Variants in IST1 observed in about 807,000 individuals in gnomAD.
The protein encoded by IST1 is IST1 homolog.
A neutral mutation model predicts 37.0 loss-of-function variants in IST1; 23 were observed. The observed-to-expected ratio is 0.62, with a 90% CI of 0.45 to 0.88. The LOEUF (loss-of-function observed/expected upper bound fraction) is 0.88, where lower values mean the gene tolerates loss of function less well. Among genes scored for constraint, IST1 ranks in the 40% least tolerant of loss-of-function variants. IST1 has a pLI of 0.00. For missense variants in IST1, 488 were observed against 445.4 expected, an observed-to-expected ratio of 1.10 and a Z score of -0.86; for synonymous variants, 180 against 161.7, an observed-to-expected ratio of 1.11 and a Z score of -0.86.
In IST1 at chr16:71,927,726, A is replaced by C. The variant is rs1241592790; in HGVS notation, c.1014A>C (p.Ala338=). The C allele has an allele frequency of 1.2e-6, 2 of 1,613,264 alleles. No homozygotes were observed. The highest frequency in any genetic ancestry group is 1.7e-5 in the Admixed American group (1 of 60,014). ...LPSVPDTLPT[A]SAGASTSASE... ...CTGTGCCAGACACACTACCAACTGC[A>C]TCTGCTGGTGCCAGCACCTCAGCAT... is the stretch of plus-strand genomic sequence containing the variant. The change falls in exon 10 of 10, where the codon GCA becomes GCC. Residue 338 remains alanine (A), a synonymous_variant. Transcript: ENST00000378799.
rs189815769 is a variant in IST1 at position 71,911,045 on chromosome 16, G to T, written c.-15-4581G>T. On this transcript the variant is annotated intron_variant, in intron 1 of 9. Coordinates refer to ENST00000378799, the MANE Select transcript of IST1 (RefSeq NM_001270975.2). ...ACTTGAGGTCAGGAGTTCAAGACCA[G>T]CGTGTCCAACATGGTGAAACCCCGT... Among the ~76,000 whole-genome samples the T allele has an allele frequency of 2.1e-3, 327 of 152,164 alleles. 1 individual carries two copies. Among genetic ancestry groups the T allele is most frequent in the Admixed American group, 4.3e-3 (66 of 15,296 alleles).
intron 1 of IST1, among the ~76,000 whole-genome samples, chr16:71,907,622 C>T (rs1004121357): frequency 2.0e-5 from 3 of 152,004 alleles, no homozygotes; most frequent in Admixed American, 1.3e-4. Flanking sequence ...ACATTAAGAC[C>T]CCTTGCTGTT....
At chr16:71,908,030 C>T (rs1052722527) in intron 1 of IST1, among the ~76,000 whole-genome samples, 6 of 152,074 alleles carry the variant, frequency 3.9e-5, no homozygotes, top group African/African-American at 1.4e-4. Flanking sequence ...CTTCACCGTC[C>T]GCCTCCCGGG....
Position 71,928,179 on chromosome 16 carries a change from G to T in IST1, c.*366G>T, listed in dbSNP as rs1025964525. The T allele has an allele frequency of 7.2e-6, 2 of 277,198 alleles. No individual in the cohort carries two copies. Among genetic ancestry groups the T allele is most frequent in the Admixed American group, 4.9e-5 (1 of 20,224 alleles). 17.2% of individuals were successfully genotyped at this position (277,198 alleles called of 1,614,324 possible). ...ATGGCTGGACAGTGGGAGAGAGCAC[G>T]TTGTGAAGCATCCCAGCCTCGTGTT... is the stretch of plus-strand genomic sequence containing the variant. On this transcript the variant is annotated 3_prime_UTR_variant, in exon 10 of 10. Coordinates refer to ENST00000378799, the MANE Select transcript of IST1 (RefSeq NM_001270975.2).
At chr16:71,895,662 T>A in intron 1 of IST1, 73 bp downstream of exon 1, 1 of 571,298 alleles carries the variant, frequency 1.8e-6, no homozygotes, top group Non-Finnish European at 2.2e-6. Context: ...TAGCGGTCTC[T>A]AGTTAGCGCT....
chr16:71,903,001 C>A (rs1000214207), intron 1 of IST1, among the ~76,000 whole-genome samples: 2 of 151,824 alleles, frequency 1.3e-5, no homozygotes, highest in Non-Finnish European at 2.9e-5. Context: ...GACCTTTTTT[C>A]TGGAGAGACA....
At chr16:71,905,746 C>T (rs542730631) in intron 1 of IST1, among the ~76,000 whole-genome samples, 1 of 152,310 alleles carries the variant, frequency 6.6e-6, no homozygotes, top group East Asian at 1.9e-4. Context: ...GAAAACCTTA[C>T]TATTCTATAG....
chr16:71,914,979 A>G (rs1025749128), intron 1 of IST1, among the ~76,000 whole-genome samples: 4 of 152,136 alleles, frequency 2.6e-5, no homozygotes, highest in Non-Finnish European at 4.4e-5. Context: ...AATTCCTGGT[A>G]AAGAGCCTTC....
chr16:71,899,422 A>C (rs1446073770), intron 1 of IST1, among the ~76,000 whole-genome samples: 2 of 152,090 alleles, frequency 1.3e-5, no homozygotes, highest in African/African-American at 4.8e-5. Flanking sequence ...CTGCTAATAA[A>C]AATTTTTAAA....
chr16:71,916,917 C>G, intron 3 of IST1, 130 bp from the exon 4 acceptor site: 14 of 640,658 alleles, frequency 2.2e-5, no homozygotes, highest in Non-Finnish European at 3.6e-5. Context: ...TGGCTAGAAG[C>G]CTAGAGTTAT....
At chr16:71,916,670 A>G in intron 3 of IST1, 28 bp downstream of exon 3, 1 of 1,580,696 alleles carries the variant, frequency 6.3e-7, no homozygotes, top group Non-Finnish European at 8.6e-7. Context: ...AGAGACCTAA[A>G]TCATTTCTGG....
At chr16:71,916,726 A>G in intron 3 of IST1, 84 bp downstream of exon 3, 2 of 1,153,662 alleles carry the variant, frequency 1.7e-6, no homozygotes, top group Non-Finnish European at 2.5e-6. Flanking sequence ...TTAAGGGACT[A>G]TTTCACATGC....
upstream of IST1, chr16:71,894,956 G>A (rs2036932295): frequency 5.7e-6 from 5 of 873,610 alleles, no homozygotes; most frequent in African/African-American, 5.0e-5. Context: ...ATACCACACA[G>A]ACCGGAGCGA....
intron 9 of IST1, among the ~76,000 whole-genome samples, chr16:71,925,577 G>A (rs1248952444): frequency 6.6e-6 from 1 of 152,078 alleles, no homozygotes; most frequent in African/African-American, 2.4e-5. Flanking sequence ...GCCTCCCAAA[G>A]TGCTGAGATT....
chr16:71,907,076 G>A (rs1447119851), intron 1 of IST1, among the ~76,000 whole-genome samples: 1 of 152,032 alleles, frequency 6.6e-6, no homozygotes, highest in Admixed American at 6.6e-5. Flanking sequence ...TATGAGTCTG[G>A]ACATGAATTT....
Position 71,924,707 on chromosome 16 carries a change from C to T in IST1, c.853-62C>T, listed in dbSNP as rs138759056. The stretch of plus-strand genomic sequence containing the variant: ...TAACTTTTGGAAACACAGGGGCTTA[C>T]ACCAGTACTTTCTCCAGTGACACTA... On this transcript the variant is annotated intron_variant, in intron 8 of 9. Coordinates refer to ENST00000378799, the MANE Select transcript of IST1 (RefSeq NM_001270975.2). 5.5e-3 allele frequency: 7,094 copies of T among 1,282,242 alleles called. 30 individuals are homozygous for T. Among genetic ancestry groups the T allele is most frequent in the Non-Finnish European group, 6.3e-3 (5,556 of 877,042 alleles). The allele number at this position is 1,282,242 out of a possible 1,614,324, so 79.4% of individuals were successfully genotyped here.
Position 71,930,154 on chromosome 16 carries a change from G to C in IST1, c.*2341G>C. 6.4e-7 allele frequency: 1 copy of C among 1,551,174 alleles called. No homozygotes were observed. The highest frequency in any genetic ancestry group is 1.2e-5 in the South Asian group (1 of 84,008). On this transcript the variant is annotated 3_prime_UTR_variant, in exon 10 of 10. Coordinates refer to ENST00000378799, the MANE Select transcript of IST1 (RefSeq NM_001270975.2). ...AGATGACACTGGTGAGGATCAGAAA[G>C]GTGCCCAGGACTGGGTCTAAAGCGA...
chr16:71,908,296 C>CTTTTTTTTT lies in IST1; in HGVS notation c.-15-7316_-15-7308dup, dbSNP rs59849119. On this transcript the variant is annotated intron_variant, in intron 1 of 9. Coordinates refer to ENST00000378799, the MANE Select transcript of IST1 (RefSeq NM_001270975.2). The stretch of plus-strand genomic sequence containing the variant: ...GAGAAATTTCCCTTACTCGTTGTAG[C>CTTTTTTTTT]TTTTTTTTTTTTTTTTTTTTTTGGA... Among the ~76,000 whole-genome samples, 27 of 76,830 alleles carry CTTTTTTTTT rather than the reference C, an allele frequency of 3.5e-4. 1 individual carries two copies. Among genetic ancestry groups the CTTTTTTTTT allele is most frequent in the Admixed American group, 8.4e-4 (4 of 4,740 alleles). The allele number at this position is 76,830 out of a possible 152,430, so 50.4% of individuals were successfully genotyped here. A position where few individuals can be genotyped will look rare whatever the true frequency, so the allele number is the denominator to read the frequency against.
chr16:71,912,883 A>G (rs1056975950), intron 1 of IST1, among the ~76,000 whole-genome samples: 1 of 152,154 alleles, frequency 6.6e-6, no homozygotes, highest in Non-Finnish European at 1.5e-5. Flanking sequence ...TTCACTTACC[A>G]TGATGTCCTC....
Sources: allele counts gnomAD v4.1 joint callset (sites outside exome capture counted in the v4.1 genomes callset), GRCh38; gene constraint gnomAD v4.1.1; transcripts MANE v1.5; gene names NCBI Gene and HGNC (gene_info 2026-07-23, HGNC 2026-07-21).